ZDHHC24: variants seen among roughly 807,000 people sequenced by gnomAD.
The protein encoded by ZDHHC24 is probable palmitoyltransferase ZDHHC24.
ZDHHC24 carries 17 observed loss-of-function variants against 23.2 expected under a neutral mutation model. That is an observed-to-expected ratio of 0.73 (90% CI 0.50 to 1.10). ZDHHC24 has a LOEUF of 1.10. Among genes scored for constraint, ZDHHC24 ranks in the 50% least tolerant of loss-of-function variants. ZDHHC24 has a pLI of 0.00. For synonymous variants in ZDHHC24, 186 were observed against 194.5 expected (o/e 0.96, Z 0.36); for missense variants, 366 against 393.0 (o/e 0.93, Z 0.58).
At position 66,545,490 on chromosome 11, in the gene ZDHHC24, A is replaced by G. The variant is rs1565299573; in HGVS notation, c.281+233T>C. ...CCCCCTCAAATCAGGAATTTGTTCT[A>G]TTGTACCCTTCGTCCCTGTAACAAA... On this transcript the variant is annotated intron_variant, in intron 1 of 2. Transcript: ENST00000310442. The surrounding 1 kb of genome is among the most constrained non-coding windows in gnomAD (Gnocchi z 4.5). 6.6e-6 allele frequency among the ~76,000 whole-genome samples: 1 copy of G among 152,174 alleles called. No individual in the cohort carries two copies. Among genetic ancestry groups the G allele is most frequent in the Non-Finnish European group, 1.5e-5 (1 of 68,022 alleles).
Position 66,529,387 on chromosome 11 carries a change from G to A in ZDHHC24, c.661C>T (p.Arg221Cys), listed in dbSNP as rs764992061. Residue 221 changes from arginine (R) to cysteine (C), a missense_variant, in exon 3 of 5, where the codon CGC becomes TGC. Physicochemically the swap from Arg to Cys is radical, Grantham distance 180 (BLOSUM62 -3). Coordinates refer to the ZDHHC24 transcript ENST00000526986. The stretch of plus-strand genomic sequence containing the variant: ...CTGTGGAGATGAGCAGGAGGCAGGC[G>A]AGGGTGCTCACTAAGCTGCTGGAGA... 1.8e-5 allele frequency: 25 copies of A among 1,368,548 alleles called. No homozygotes were observed. The Admixed American group carries it at 2.2e-4, about 12-fold the overall frequency. 84.8% of individuals were successfully genotyped at this position (1,368,548 alleles called of 1,614,324 possible). A position where few individuals can be genotyped will look rare whatever the true frequency, so the allele number is the denominator to read the frequency against.
At position 66,539,819 on chromosome 11, in the gene ZDHHC24, C is replaced by T. The variant is rs764162270; in HGVS notation, c.565G>A (p.Val189Met). 9.4e-6 allele frequency: 15 copies of T among 1,596,682 alleles called. No homozygotes were observed. The highest frequency in any genetic ancestry group is 1.3e-5 in the Non-Finnish European group (15 of 1,170,148). The change falls in exon 3 of 3, where the codon GTG becomes ATG. Residue 189 changes from valine to methionine, a missense_variant. By Grantham distance (21) the Val-to-Met change is conservative. Transcript: ENST00000310442. ...GCCAAGGCAAACTGTGCCAGAGACA[C>T]TCTGCCTGCAATAAAAGAGCAGAGA... ...LPWLMLLTGR[V>M]SLAQFALAFV...
In ZDHHC24 at chr11:66,543,978, G is replaced by A. The variant is rs374173187; in HGVS notation, c.285C>T (p.Tyr95=). Residue 95 remains tyrosine, a synonymous_variant, in exon 2 of 3, where the codon TAC becomes TAT. Coordinates refer to ENST00000310442, the MANE Select transcript of ZDHHC24 (RefSeq NM_207340.3). ...AGRGLGQGWA[Y]CYQCQSQVPP... ...GCACCTGGCTTTGGCATTGGTAGCA[G>A]TAACTGCAGGAAGGAACCACAGCGT... 3.0e-5 allele frequency: 48 copies of A among 1,613,134 alleles called. No homozygotes were observed. In the African/African-American group the frequency reaches 4.5e-4, roughly 15 times the overall value.
Position 66,536,171 on chromosome 11 carries a change from G to A in ZDHHC24, c.*3358C>T, listed in dbSNP as rs528887860. On this transcript the variant is annotated 3_prime_UTR_variant, in exon 3 of 3. Transcript: ENST00000310442. ...AGGAAGGGGCAACAGCAGGAACTTC[G>A]AAGGAAATGGTAACCTTCTCAAATG... 13 of 152,394 alleles carry A rather than the reference G, an allele frequency of 8.5e-5. No individual in the cohort carries two copies. The highest frequency in any genetic ancestry group is 1.8e-4 in the Non-Finnish European group (12 of 68,196). The allele number at this position is 152,394 out of a possible 1,614,324, so 9.4% of individuals were successfully genotyped here.
chr11:66,525,177 G>C (rs987372250), intron 4 of ZDHHC24, among the ~76,000 whole-genome samples: 1 of 149,154 alleles, frequency 6.7e-6, no homozygotes, highest in African/African-American at 2.5e-5. Flanking sequence ...TCCAGCCTGG[G>C]TGACAGAGCG....
intron 4 of ZDHHC24, among the ~76,000 whole-genome samples, chr11:66,521,941 G>A (rs532586910): frequency 7.0e-5 from 10 of 143,474 alleles, no homozygotes; most frequent in East Asian, 2.1e-4. Context: ...GGGGGGTGCC[G>A]GGTGCATTGC....
rs774385339 is a variant in ZDHHC24 at position 66,539,820 on chromosome 11, T to A, written c.564A>T (p.Arg188Ser). ...LLPWLMLLTGRVSLAQFALAF... is the reference protein window; with the variant it reads ...LLPWLMLLTGSVSLAQFALAF... ...CCAAGGCAAACTGTGCCAGAGACACTCTGCCTGCAATAAAAGAGCAGAGAG... is the reference window on the plus strand; with the variant it reads ...CCAAGGCAAACTGTGCCAGAGACACACTGCCTGCAATAAAAGAGCAGAGAG... The change falls in exon 3 of 3, where the codon AGA becomes AGT. Residue 188 changes from arginine to serine, a missense_variant. Physicochemically the swap from Arg to Ser is moderately radical, Grantham distance 110 (BLOSUM62 -1). Transcript: ENST00000310442. The A allele has an allele frequency of 3.8e-6, 6 of 1,595,894 alleles. No individual in the cohort carries two copies. Among genetic ancestry groups the A allele is most frequent in the Non-Finnish European group, 5.1e-6 (6 of 1,169,740 alleles).
intron 4 of ZDHHC24, chr11:66,526,603 G>A (rs2134811816): frequency 6.2e-7 from 1 of 1,613,008 alleles, no homozygotes; most frequent in Non-Finnish European, 8.5e-7. Context: ...GGGAATGTGG[G>A]TAGAACTGGG....
At chr11:66,531,578 T>C (rs1856782051), downstream of ZDHHC24, 4 of 1,585,062 alleles carry the variant, frequency 2.5e-6, no homozygotes, top group South Asian at 2.2e-5. Flanking sequence ...CAGTGGAGAC[T>C]GCGGGCCTGA....
At chr11:66,521,121 T>G in exon 5 of ZDHHC24, 1 of 707,418 alleles carries the variant, frequency 1.4e-6, no homozygotes, top group Non-Finnish European at 2.6e-6. Context: ...GCCCCAAGTT[T>G]CCCTCCTGAA....
chr11:66,539,976 C>T (rs1200758204), intron 2 of ZDHHC24, 152 bp from the exon 3 acceptor site: 8 of 759,712 alleles, frequency 1.1e-5, no homozygotes, highest in Non-Finnish European at 1.2e-5. Flanking sequence ...GTGACAAGAA[C>T]GCACTGGTAA....
chr11:66,535,372 C>CTT (rs759509135), downstream of ZDHHC24, among the ~76,000 whole-genome samples: 5 of 134,558 alleles, frequency 3.7e-5, no homozygotes, highest in Non-Finnish European at 8.0e-5. Context: ...CCACACAAGG[C>CTT]TTTTTTTTTT....
At chr11:66,530,575 T>C (rs1856733363) in intron 2 of ZDHHC24, among the ~76,000 whole-genome samples, 1 of 151,038 alleles carries the variant, frequency 6.6e-6, no homozygotes, top group Middle Eastern at 3.4e-3. Context: ...AGGAGAAAAA[T>C]GAACTGATCA....
At chr11:66,532,179 C>T, downstream of ZDHHC24, 2 of 876,744 alleles carry the variant, frequency 2.3e-6, no homozygotes, top group Non-Finnish European at 3.5e-6. Flanking sequence ...TTCCTCACCA[C>T]CCCCACTGTT....
downstream of ZDHHC24, chr11:66,530,757 C>G (rs1856742205): frequency 7.7e-7 from 1 of 1,302,084 alleles, no homozygotes; most frequent in Admixed American, 1.7e-5. Context: ...CCCTTCTGGT[C>G]TTCTGTGTCT....
intron 4 of ZDHHC24, among the ~76,000 whole-genome samples, chr11:66,521,972 A>G (rs1021981986): frequency 1.4e-4 from 21 of 149,172 alleles, no homozygotes; most frequent in Admixed American, 6.7e-5. Context: ...TAATCCCAGC[A>G]CTTTGGAGGC....
chr11:66,527,043 A>C, intron 3 of ZDHHC24: 1 of 1,534,228 alleles, frequency 6.5e-7, no homozygotes, highest in Middle Eastern at 1.7e-4. Flanking sequence ...AATTCAGGGA[A>C]GGGAGCAGTC....
At chr11:66,531,025 C>T (rs760619877), downstream of ZDHHC24, 3 of 1,614,078 alleles carry the variant, frequency 1.9e-6, no homozygotes, top group South Asian at 2.2e-5. Flanking sequence ...GGGCCTTCTT[C>T]AAGGTACTGG....
exon 5 of ZDHHC24, chr11:66,521,341 G>C (rs550508776): frequency 6.2e-7 from 1 of 1,614,186 alleles, no homozygotes; most frequent in Admixed American, 1.7e-5. Context: ...GGCTTGCCGC[G>C]GCCTGCCGCA....
Sources: gnomAD v4.1 joint callset for allele counts (sites outside exome capture counted in the v4.1 genomes callset) on GRCh38, gnomAD v4.1.1 for gene constraint, Gnocchi (gnomAD v3.1) non-coding constraint, MANE v1.5 for transcripts, NCBI Gene and HGNC (gene_info 2026-07-23, HGNC 2026-07-21) for gene names.